The following CTTNBP2 variants were observed in gnomAD, a reference collection of about 807,000 sequenced individuals.
CTTNBP2 encodes cortactin-binding protein 2.
A neutral mutation model predicts 156.9 loss-of-function variants in CTTNBP2; 108 were observed. The observed-to-expected ratio is 0.69, with a 90% CI of 0.59 to 0.81. The LOEUF (loss-of-function observed/expected upper bound fraction) is 0.81. Among genes scored for constraint, CTTNBP2 ranks in the 30% least tolerant of loss-of-function variants. The probability of loss-of-function intolerance (pLI) is 0.00; values close to 1 mark genes in which losing one functional copy is unlikely to be tolerated. For missense variants in CTTNBP2, 1,924 were observed against 2,035.4 expected (o/e 0.95, Z 1.05); for synonymous variants, 767 against 751.8 (o/e 1.02, Z -0.33).
intron 9 of CTTNBP2, among the ~76,000 whole-genome samples, chr7:117,765,829 A>G (rs1211611245): frequency 2.0e-5 from 3 of 152,202 alleles, no homozygotes. Flanking sequence ...CACATTATGC[A>G]CTATCAACAA....
intron 2 of CTTNBP2, among the ~76,000 whole-genome samples, chr7:117,835,350 A>G (rs190426042): frequency 1.3e-5 from 2 of 152,358 alleles, no homozygotes; most frequent in Admixed American, 6.5e-5. Flanking sequence ...CTCTGTATGT[A>G]GTGAACTGTG....
intron 2 of CTTNBP2, among the ~76,000 whole-genome samples, chr7:117,815,881 A>C (rs1330381269): frequency 6.6e-6 from 1 of 152,134 alleles, no homozygotes; most frequent in Non-Finnish European, 1.5e-5. Context: ...TCTCCTAAGC[A>C]TTTTGCCTTG....
intron 2 of CTTNBP2, among the ~76,000 whole-genome samples, chr7:117,832,083 C>A (rs1359536496): frequency 6.6e-6 from 1 of 152,136 alleles, no homozygotes; most frequent in Non-Finnish European, 1.5e-5. Flanking sequence ...CTTTCCCACC[C>A]CACACCTTTT....
intron 2 of CTTNBP2, among the ~76,000 whole-genome samples, chr7:117,812,072 C>A (rs1014050943): frequency 6.6e-6 from 1 of 151,952 alleles, no homozygotes; most frequent in Non-Finnish European, 1.5e-5. Context: ...ATATAGTTCA[C>A]AGAATCCCAG....
rs144248062 is a variant in CTTNBP2, at chr7:117,735,093, T to C, written c.3696A>G (p.Gly1232=). The stretch of plus-strand genomic sequence containing the variant: ...CATGAAAGTAATAACATTCGGACAG[T>C]CCATTTCCTGAAACAAACCAAAAAG... The part of the protein sequence containing the change: ...ESPCTFQKGN[G]LSECYYFHEN... Residue 1232 remains glycine (G), a synonymous_variant, in exon 16 of 23, where the codon GGA becomes GGG. Coordinates refer to ENST00000160373, the MANE Select transcript of CTTNBP2 (RefSeq NM_033427.3). 4 of 1,610,750 alleles carry C rather than the reference T, an allele frequency of 2.5e-6. No individual in the cohort carries two copies. The African/African-American group carries it at 5.3e-5, about 22-fold the overall frequency.
intron 2 of CTTNBP2, among the ~76,000 whole-genome samples, chr7:117,815,522 T>C (rs1428163758): frequency 1.3e-5 from 2 of 152,142 alleles, no homozygotes; most frequent in South Asian, 2.1e-4. Context: ...ATAGAAAATA[T>C]AGTAGATCCA....
rs754468453 is a variant in CTTNBP2, at chr7:117,780,462, G to T, written c.2502C>A (p.Thr834=). The T allele has an allele frequency of 1.9e-6, 3 of 1,579,130 alleles. No individual in the cohort carries two copies. The South Asian group carries it at 3.6e-5, about 19-fold the overall frequency. ...TCACTGTGGTTTTTACACTTCGATTGGTTCCAGCTTCCAACAAGAGTTTAA... is the reference window on the plus strand; with the variant it reads ...TCACTGTGGTTTTTACACTTCGATTTGTTCCAGCTTCCAACAAGAGTTTAA... The part of the protein sequence containing the change: ...ECIKLLLEAG[T]NRSVKTTDGW... Residue 834 remains threonine (T), a synonymous_variant, in exon 7 of 23, where the codon ACC becomes ACA. Coordinates refer to ENST00000160373, the MANE Select transcript of CTTNBP2 (RefSeq NM_033427.3).
rs1194246177 is a variant in CTTNBP2, at chr7:117,777,701, A to G, written c.2588T>C (p.Met863Thr). Residue 863 changes from methionine to threonine, a missense_variant, in exon 8 of 23, where the codon ATG becomes ACG. Met to Thr is a moderately conservative substitution (Grantham distance 81). Coordinates refer to ENST00000160373, the MANE Select transcript of CTTNBP2 (RefSeq NM_033427.3). ...TGNVDSLKLL[M>T]YHRIPAHGNS... ...TCCATGAGCTGGTATTCTATGGTACATAAGAAGCTTGAGGCTGTCCACATT... is the reference window on the plus strand; with the variant it reads ...TCCATGAGCTGGTATTCTATGGTACGTAAGAAGCTTGAGGCTGTCCACATT... 3.7e-6 allele frequency: 6 copies of G among 1,613,964 alleles called. No individual in the cohort carries two copies. The highest frequency in any genetic ancestry group is 1.1e-5 in the South Asian group (1 of 91,088).
chr7:117,737,980 T>C (rs1795797708), intron 14 of CTTNBP2, among the ~76,000 whole-genome samples: 1 of 152,122 alleles, frequency 6.6e-6, no homozygotes, highest in Non-Finnish European at 1.5e-5. Flanking sequence ...GTCAGAATAG[T>C]TATAAAAGCG....
chr7:117,810,652 A>G, intron 3 of CTTNBP2, 113 bp downstream of exon 3: 1 of 822,084 alleles, frequency 1.2e-6, no homozygotes. Flanking sequence ...ACTTCTAAGT[A>G]CTTATTGCAA....
intron 3 of CTTNBP2, among the ~76,000 whole-genome samples, chr7:117,804,455 G>A (rs1799810380): frequency 6.6e-6 from 1 of 152,146 alleles, no homozygotes; most frequent in Non-Finnish European, 1.5e-5. Flanking sequence ...AAACTGAAAA[G>A]TCCTAACTCA....
chr7:117,865,976 CATAT>C (rs1804166450), intron 1 of CTTNBP2, among the ~76,000 whole-genome samples: 1 of 147,416 alleles, frequency 6.8e-6, no homozygotes, highest in African/African-American at 2.5e-5. Context: ...ATAATATATA[CATAT>C]ATATAGTATA....
chr7:117,769,161 A>C (rs971287115), intron 8 of CTTNBP2, among the ~76,000 whole-genome samples: 1 of 152,278 alleles, frequency 6.6e-6, no homozygotes, highest in African/African-American at 2.4e-5. Flanking sequence ...AGGAGTATAC[A>C]TGAGTTCCAG....
intron 1 of CTTNBP2, among the ~76,000 whole-genome samples, chr7:117,863,535 T>C (rs1803911281): frequency 6.6e-6 from 1 of 152,246 alleles, no homozygotes; most frequent in Non-Finnish European, 1.5e-5. Flanking sequence ...AAATTGTGAT[T>C]CAGTGAGTCC....
At chr7:117,753,894 T>C (rs919982290) in intron 12 of CTTNBP2, among the ~76,000 whole-genome samples, 1 of 152,194 alleles carries the variant, frequency 6.6e-6, no homozygotes, top group African/African-American at 2.4e-5. Context: ...ACTGCACATG[T>C]ACCCCAGAAC....
chr7:117,727,177 C>T (rs1162388601), intron 17 of CTTNBP2, among the ~76,000 whole-genome samples: 1 of 152,042 alleles, frequency 6.6e-6, no homozygotes, highest in Non-Finnish European at 1.5e-5. Flanking sequence ...GGTGGTTTGT[C>T]TTACAATAGA....
intron 1 of CTTNBP2, among the ~76,000 whole-genome samples, chr7:117,862,951 T>G (rs780974708): frequency 2.8e-4 from 42 of 152,168 alleles, no homozygotes; most frequent in Non-Finnish European, 2.8e-4. Context: ...GCACCAACAT[T>G]CTAGAATAAG....
intron 2 of CTTNBP2, among the ~76,000 whole-genome samples, chr7:117,848,193 T>C (rs1382016052): frequency 6.6e-6 from 1 of 152,086 alleles, no homozygotes; most frequent in African/African-American, 2.4e-5. Context: ...CATTAGCAAA[T>C]GTTATGAGAT....
In CTTNBP2 at chr7:117,778,922, T is replaced by C. The variant is rs560813043; in HGVS notation, c.2524-1157A>G. Among the ~76,000 whole-genome samples the C allele has an allele frequency of 6.6e-5, 10 of 152,316 alleles. No homozygotes were observed. In the South Asian group the frequency reaches 2.1e-3, roughly 32 times the overall value. ...TATTTCAGTAAGCTACAGTACACTTTAAAAAATAATAGGGTAGAAGACAGA... is the reference window on the plus strand; with the variant it reads ...TATTTCAGTAAGCTACAGTACACTTCAAAAAATAATAGGGTAGAAGACAGA... On this transcript the variant is annotated intron_variant, in intron 7 of 22. Coordinates refer to ENST00000160373, the MANE Select transcript of CTTNBP2 (RefSeq NM_033427.3).
Sources: gnomAD v4.1 joint callset for allele counts (sites outside exome capture counted in the v4.1 genomes callset) on GRCh38, gnomAD v4.1.1 for gene constraint, MANE v1.5 for transcripts, NCBI Gene and HGNC (gene_info 2026-07-23, HGNC 2026-07-21) for gene names.